The following NHSL1 variants were observed in gnomAD, a reference collection of about 807,000 sequenced individuals.
The protein encoded by NHSL1 is NHS-like protein 1.
In NHSL1, 48 loss-of-function variants were observed where a neutral mutation model predicts 95.0. That is an observed-to-expected ratio of 0.51 (90% confidence interval 0.40 to 0.64). The LOEUF is 0.64. NHSL1 is among the 30% of genes least tolerant of loss of function. NHSL1 has a pLI of 0.00. For synonymous variants in NHSL1, 783 were observed against 833.9 expected (o/e 0.94, Z 1.05); for missense variants, 1,971 against 2,077.7 (o/e 0.95, Z 1.00).
chr6:138,493,010 T>G (rs957760439), intron 2 of NHSL1, among the ~76,000 whole-genome samples: 10 of 152,168 alleles, frequency 6.6e-5, no homozygotes, highest in African/African-American at 2.4e-4. Flanking sequence ...TAATCTTCAC[T>G]GATAATGAGG....
chr6:138,538,294 G>C (rs1445180112), intron 1 of NHSL1, among the ~76,000 whole-genome samples: 3 of 152,124 alleles, frequency 2.0e-5, no homozygotes, highest in Admixed American at 6.5e-5. Context: ...CTGGGGGCTA[G>C]GTGTGTTCAT....
At chr6:138,607,969 A>G (rs1420818023) in intron 1 of NHSL1, among the ~76,000 whole-genome samples, 4 of 152,184 alleles carry the variant, frequency 2.6e-5, no homozygotes, top group African/African-American at 9.7e-5. Flanking sequence ...ATGCACCCCA[A>G]CAGAAGGGCT....
Position 138,499,482 on chromosome 6 carries a change from A to C in NHSL1, c.-192T>G. ...TGTCAGGCAGTTACAAACCATTAAC[A>C]GTCCTTGAACCTGAAAAACTCCTAC... On this transcript the variant is annotated 5_prime_UTR_variant, in exon 1 of 8. Transcript: ENST00000343505. 1.5e-6 allele frequency: 2 copies of C among 1,320,256 alleles called. No individual in the cohort carries two copies. Among genetic ancestry groups the C allele is most frequent in the Non-Finnish European group, 2.0e-6 (2 of 1,013,020 alleles). 81.8% of individuals were successfully genotyped at this position (1,320,256 alleles called of 1,614,324 possible).
chr6:138,659,046 C>CTTTTT (rs771033274), intron 1 of NHSL1, among the ~76,000 whole-genome samples: 6 of 117,822 alleles, frequency 5.1e-5, no homozygotes, highest in Non-Finnish European at 8.8e-5. Context: ...TGTGGACTAT[C>CTTTTT]TTTTTTTTTT....
upstream of NHSL1, among the ~76,000 whole-genome samples, chr6:138,504,406 C>CGA (rs1314138135): frequency 2.6e-5 from 4 of 152,088 alleles, no homozygotes; most frequent in Non-Finnish European, 5.9e-5. Context: ...TTAAGTCTAG[C>CGA]GAGAGAGAGA....
rs933886379 is a variant in NHSL1 at position 138,485,149 on chromosome 6, G to A, written c.211+11070C>T. Among the ~76,000 whole-genome samples, 3 of 152,224 alleles carry A rather than the reference G, an allele frequency of 2.0e-5. No individual in the cohort carries two copies. In the South Asian group the frequency reaches 6.2e-4, roughly 32 times the overall value. ...CACCAAGGTTACTCAAGATCAAATC[G>A]CCTGCAAAGATTCTAAGCCAACACG... On this transcript the variant is annotated intron_variant, in intron 2 of 7. Transcript: ENST00000343505.
chr6:138,602,908 C>A (rs896902169), intron 1 of NHSL1, among the ~76,000 whole-genome samples: 3 of 152,192 alleles, frequency 2.0e-5, no homozygotes, highest in African/African-American at 7.2e-5. Context: ...CAAATTAAAA[C>A]AGAATTCCTT....
At chr6:138,541,732 C>T (rs534951640) in intron 1 of NHSL1, among the ~76,000 whole-genome samples, 2 of 152,160 alleles carry the variant, frequency 1.3e-5, no homozygotes, top group East Asian at 1.9e-4. Flanking sequence ...TGAAAGAAGC[C>T]GAATCGATTA....
intron 1 of NHSL1, among the ~76,000 whole-genome samples, chr6:138,643,337 C>A (rs1346248905): frequency 1.3e-5 from 2 of 152,200 alleles, no homozygotes. Flanking sequence ...TATCCACATC[C>A]TCCATGGGGT....
chr6:138,684,584 G>A (rs1277222263), intron 1 of NHSL1, among the ~76,000 whole-genome samples: 1 of 152,240 alleles, frequency 6.6e-6, no homozygotes, highest in East Asian at 1.9e-4. Context: ...GGCAGAGGTT[G>A]CAGTGAGCCA....
intron 1 of NHSL1, among the ~76,000 whole-genome samples, chr6:138,553,576 T>C (rs147261319): frequency 6.6e-6 from 1 of 152,332 alleles, no homozygotes; most frequent in East Asian, 1.9e-4. Context: ...TATTATTACT[T>C]TGCTATTTCA....
intron 3 of NHSL1, among the ~76,000 whole-genome samples, chr6:138,450,517 A>G (rs1777159455): frequency 1.3e-5 from 2 of 152,202 alleles, no homozygotes; most frequent in African/African-American, 4.8e-5. Flanking sequence ...ACTGTCTACC[A>G]TTTGTAAGCA....
Position 138,433,210 on chromosome 6 carries a change from G to C in NHSL1, c.1135C>G (p.Leu379Val). Reference sequence around the variant, plus strand: ...AACTCCTGGGATTTGGGTCTCAAAAGTGTTCCAGTCCCTGAGGCACCTCCT... The same window carrying C: ...AACTCCTGGGATTTGGGTCTCAAAACTGTTCCAGTCCCTGAGGCACCTCCT... ...HLGGASGTGT[L>V]LRPKSQELRH... Residue 379 changes from leucine to valine, a missense_variant, in exon 6 of 8, where the codon CTT becomes GTT. Around this residue, in one of 3 missense-constraint regions of NHSL1, gnomAD observed 1,602 missense variants for 1,654.5 expected, o/e 0.97. Coordinates refer to ENST00000343505, the MANE Select transcript of NHSL1 (RefSeq NM_001144060.2). 1 of 1,551,082 alleles carries C rather than the reference G, an allele frequency of 6.4e-7. No individual in the cohort carries two copies. Among genetic ancestry groups the C allele is most frequent in the Non-Finnish European group, 8.7e-7 (1 of 1,146,586 alleles).
intron 5 of NHSL1, among the ~76,000 whole-genome samples, chr6:138,438,292 T>A (rs1776313321): frequency 1.3e-5 from 2 of 152,212 alleles, no homozygotes; most frequent in Admixed American, 6.5e-5. Context: ...AGATGACAAC[T>A]GTCTGTAGGC....
chr6:138,681,983 C>CTT (rs5880393), intron 1 of NHSL1, among the ~76,000 whole-genome samples: 4,372 of 145,288 alleles, frequency 0.03, 128 homozygotes, highest in South Asian at 0.07. Flanking sequence ...TACCGCTTTT[C>CTT]TTTTTTTTTT....
intron 1 of NHSL1, among the ~76,000 whole-genome samples, chr6:138,668,955 A>G (rs904070796): frequency 3.3e-5 from 5 of 152,172 alleles, no homozygotes; most frequent in African/African-American, 7.2e-5. Flanking sequence ...CTGGTTGGAT[A>G]CACGATGGAG....
chr6:138,666,719 T>G (rs994270977), intron 1 of NHSL1, among the ~76,000 whole-genome samples: 4 of 152,202 alleles, frequency 2.6e-5, no homozygotes, highest in Admixed American at 2.6e-4. Context: ...CCAGTCATTT[T>G]TTTTAAAGAA....
intron 1 of NHSL1, among the ~76,000 whole-genome samples, chr6:138,632,008 C>G (rs1784825882): frequency 6.6e-6 from 1 of 152,126 alleles, no homozygotes; most frequent in African/African-American, 2.4e-5. Context: ...ATGGCAAGTC[C>G]TAGGCCAGGC....
At chr6:138,528,523 A>C (rs904534550) in intron 1 of NHSL1, among the ~76,000 whole-genome samples, 2 of 152,230 alleles carry the variant, frequency 1.3e-5, no homozygotes, top group African/African-American at 4.8e-5. Flanking sequence ...AGAGGGAAAA[A>C]CATATAATTC....
Sources: gnomAD v4.1 joint callset for allele counts (sites outside exome capture counted in the v4.1 genomes callset) on GRCh38, gnomAD v4.1.1 for gene constraint, gnomAD v4.1.1 regional missense constraint, MANE v1.5 for transcripts, NCBI Gene and HGNC (gene_info 2026-07-23, HGNC 2026-07-21) for gene names.